Variants in SLC25A43 observed in about 807,000 individuals in gnomAD.
The protein encoded by SLC25A43 is solute carrier family 25, member 43.
A neutral mutation model predicts 22.8 loss-of-function variants in SLC25A43; 10 were observed. The ratio of observed to expected loss-of-function variants is 0.44; its 90% confidence interval spans 0.27 to 0.74. The LOEUF (loss-of-function observed/expected upper bound fraction) is 0.74. SLC25A43 is among the 30% of genes least tolerant of loss of function. The pLI is 0.17. For synonymous variants in SLC25A43, 106 were observed against 121.6 expected, an observed-to-expected ratio of 0.87 and a Z score of 0.84; for missense variants, 233 against 279.1, an observed-to-expected ratio of 0.83 and a Z score of 1.18.
intron 1 of SLC25A43, among the ~76,000 whole-genome samples, chrX:119,405,725 A>G (rs1299235917): frequency 9.1e-6 from 1 of 110,045 alleles, no homozygotes; most frequent in Non-Finnish European, 1.9e-5. Context: ...AGCCCAGATC[A>G]TGCCACTGTA....
intron 3 of SLC25A43, among the ~76,000 whole-genome samples, chrX:119,422,755 C>A (rs1371659643): frequency 8.9e-6 from 1 of 112,078 alleles, no homozygotes; most frequent in Non-Finnish European, 1.9e-5. Flanking sequence ...ACTGTCTATG[C>A]ACTTCGCTCT....
chrX:119,411,091 A>G (rs1201770631), intron 3 of SLC25A43, among the ~76,000 whole-genome samples: 3 of 110,161 alleles, frequency 2.7e-5, no homozygotes, highest in African/African-American at 9.9e-5. Context: ...TGGTTTCCTC[A>G]CTGTGCCTTA....
chrX:119,419,500 C>T (rs746293183), intron 3 of SLC25A43, among the ~76,000 whole-genome samples: 1 of 111,660 alleles, frequency 9.0e-6, no homozygotes, highest in Non-Finnish European at 1.9e-5. Context: ...CTCGACACCT[C>T]GGGTTACCTT....
chrX:119,434,729 A>G (rs1424790671), intron 3 of SLC25A43: 1 of 109,280 alleles, frequency 9.2e-6, no homozygotes, highest in Non-Finnish European at 1.9e-5. Flanking sequence ...ACAGCAGATC[A>G]AAACTCCTGT....
intron 1 of SLC25A43, among the ~76,000 whole-genome samples, chrX:119,400,211 A>G (rs147176999): frequency 8.2e-5 from 9 of 110,138 alleles, no homozygotes; most frequent in Admixed American, 3.9e-4. Context: ...CCCAACTTAA[A>G]TGAAGCTTGA....
At chrX:119,451,924 T>C (rs2052709926) in intron 3 of SLC25A43, 85 bp from the exon 4 acceptor site, 1 of 1,192,724 alleles carries the variant, frequency 8.4e-7, no homozygotes, top group Admixed American at 2.3e-5. Context: ...ATCCAGAATG[T>C]AGACTTGAGA....
At chrX:119,435,422 G>T (rs1265251089) in intron 3 of SLC25A43, among the ~76,000 whole-genome samples, 3 of 105,152 alleles carry the variant, frequency 2.9e-5, no homozygotes, top group African/African-American at 1.0e-4. Context: ...TAGTACTATG[G>T]CTTGTAGGCT....
chrX:119,432,208 A>G (rs1394967184), intron 3 of SLC25A43, among the ~76,000 whole-genome samples: 1 of 111,694 alleles, frequency 9.0e-6, no homozygotes, highest in Admixed American at 9.6e-5. Context: ...CCAAGGAAAT[A>G]TGAATACTAA....
At chrX:119,451,554 G>A (rs1050240198) in intron 3 of SLC25A43, among the ~76,000 whole-genome samples, 2 of 111,973 alleles carry the variant, frequency 1.8e-5, no homozygotes, top group African/African-American at 6.5e-5. Context: ...CAGAGAGCGA[G>A]AAGAATGCCA....
intron 3 of SLC25A43, among the ~76,000 whole-genome samples, chrX:119,444,101 A>C (rs1231412507): frequency 9.0e-6 from 1 of 111,527 alleles, no homozygotes; most frequent in African/African-American, 3.3e-5. Flanking sequence ...GAGCTGGATT[A>C]ATGAGGAAAG....
chrX:119,452,745 G>T, intron 4 of SLC25A43, 120 bp from the exon 5 acceptor site: 1 of 545,773 alleles, frequency 1.8e-6, no homozygotes. Context: ...GTTACCATTT[G>T]TATTGCCACC....
At chrX:119,427,695 G>A (rs906315012) in intron 3 of SLC25A43, among the ~76,000 whole-genome samples, 14 of 111,835 alleles carry the variant, frequency 1.3e-4, no homozygotes, top group Non-Finnish European at 2.3e-4. Context: ...GTCCTCAGAT[G>A]GTTTGGGAAT....
chrX:119,399,757 C>T, intron 1 of SLC25A43, 79 bp downstream of exon 1: 17 of 945,523 alleles, frequency 1.8e-5, no homozygotes, highest in Non-Finnish European at 2.3e-5. Flanking sequence ...CGCCGCCCTG[C>T]TGCCTGGACT....
chrX:119,433,912 A>G (rs992426266), intron 3 of SLC25A43, among the ~76,000 whole-genome samples: 2 of 111,998 alleles, frequency 1.8e-5, no homozygotes, highest in Admixed American at 1.9e-4. Flanking sequence ...AAGAGCCTGG[A>G]GTTTATCCTG....
At chrX:119,402,737 A>G (rs2052249922) in intron 1 of SLC25A43, among the ~76,000 whole-genome samples, 1 of 111,215 alleles carries the variant, frequency 9.0e-6, no homozygotes, top group South Asian at 3.9e-4. Context: ...GGTGGGAGGA[A>G]GAACAGAAAA....
At chrX:119,432,188 TATAAA>T (rs1312912770) in intron 3 of SLC25A43, among the ~76,000 whole-genome samples, 5 of 110,902 alleles carry the variant, frequency 4.5e-5, no homozygotes, top group African/African-American at 1.6e-4. Context: ...GGAAAACAAT[TATAAA>T]ATAACCAAGG....
chrX:119,432,932 A>C (rs745949526), intron 3 of SLC25A43, among the ~76,000 whole-genome samples: 1 of 109,184 alleles, frequency 9.2e-6, no homozygotes, highest in African/African-American at 3.3e-5. Flanking sequence ...AAGATGGTGA[A>C]TCCCCATCTC....
chrX:119,445,016 T>G (rs2052654986), intron 3 of SLC25A43, among the ~76,000 whole-genome samples: 1 of 79,934 alleles, frequency 1.3e-5, no homozygotes, highest in Admixed American at 2.0e-4. Context: ...GCAGCCTGGG[T>G]GACAGAGTAA....
At chrX:119,443,824 C>CA in intron 3 of SLC25A43, among the ~76,000 whole-genome samples, 1 of 110,230 alleles carries the variant, frequency 9.1e-6, no homozygotes. Context: ...CGGCTCACTG[C>CA]AGCCTCAACT....
Sources: allele counts gnomAD v4.1 joint callset (sites outside exome capture counted in the v4.1 genomes callset), GRCh38; gene constraint gnomAD v4.1.1; transcripts MANE v1.5; gene names NCBI Gene and HGNC (gene_info 2026-07-23, HGNC 2026-07-21).